NEGR1: variants seen among roughly 807,000 people sequenced by gnomAD.
NEGR1 encodes IgLON family member 4.
A neutral mutation model predicts 40.9 loss-of-function variants in NEGR1; 10 were observed. The observed-to-expected ratio is 0.24, with a 90% CI of 0.15 to 0.42. The LOEUF is 0.42. Among genes scored for constraint, NEGR1 ranks in the 10% least tolerant of loss-of-function variants. The probability of loss-of-function intolerance (pLI) is 1.00; values close to 1 mark genes in which losing one functional copy is unlikely to be tolerated. For synonymous variants in NEGR1, 185 were observed against 166.8 expected, an observed-to-expected ratio of 1.11 and a Z score of -0.84; for missense variants, 352 against 438.9, an observed-to-expected ratio of 0.80 and a Z score of 1.77.
intron 5 of NEGR1, among the ~76,000 whole-genome samples, chr1:71,605,451 G>T (rs1203264862): frequency 6.6e-6 from 1 of 152,102 alleles, no homozygotes; most frequent in Non-Finnish European, 1.5e-5. Flanking sequence ...AGACAAGACG[G>T]TAATACCATC....
chr1:72,099,822 T>C (rs1448556274), intron 1 of NEGR1, among the ~76,000 whole-genome samples: 1 of 151,912 alleles, frequency 6.6e-6, no homozygotes, highest in Non-Finnish European at 1.5e-5. Flanking sequence ...AAAGTACTTT[T>C]AGTTGATATA....
intron 1 of NEGR1, among the ~76,000 whole-genome samples, chr1:72,234,074 G>A (rs1019661591): frequency 1.3e-5 from 2 of 151,880 alleles, no homozygotes; most frequent in Non-Finnish European, 2.9e-5. Context: ...CAAAGTATTC[G>A]CTTACCCAGG....
chr1:71,626,431 A>G (rs1441586328), intron 4 of NEGR1, among the ~76,000 whole-genome samples: 1 of 135,612 alleles, frequency 7.4e-6, no homozygotes, highest in Non-Finnish European at 1.5e-5. Context: ...CTCATTGTTC[A>G]ATTCCCACCT....
At chr1:71,805,880 A>C (rs1210053011) in intron 2 of NEGR1, among the ~76,000 whole-genome samples, 6 of 152,208 alleles carry the variant, frequency 3.9e-5, no homozygotes, top group Non-Finnish European at 7.4e-5. Context: ...TTGCTTTTGC[A>C]AACTGCTTAA....
intron 3 of NEGR1, among the ~76,000 whole-genome samples, chr1:71,720,102 T>G (rs962687915): frequency 1.3e-5 from 2 of 152,156 alleles, no homozygotes; most frequent in African/African-American, 4.8e-5. Context: ...AAATGACAAC[T>G]ATATTGAAGA....
chr1:72,200,149 C>G (rs1653152220), intron 1 of NEGR1, among the ~76,000 whole-genome samples: 1 of 151,814 alleles, frequency 6.6e-6, no homozygotes. Context: ...TATAATTTGA[C>G]CTAGCAATCC....
intron 1 of NEGR1, among the ~76,000 whole-genome samples, chr1:72,048,538 A>G (rs914602798): frequency 4.0e-5 from 6 of 151,586 alleles, no homozygotes; most frequent in Admixed American, 6.6e-5. Context: ...TTTCCCCAAA[A>G]GGGAACCACT....
At chr1:71,834,319 C>G (rs1008563809) in intron 2 of NEGR1, among the ~76,000 whole-genome samples, 1 of 151,928 alleles carries the variant, frequency 6.6e-6, no homozygotes, top group Non-Finnish European at 1.5e-5. Context: ...AAAGATGTTT[C>G]CAGATGAGAA....
intron 6 of NEGR1, among the ~76,000 whole-genome samples, chr1:71,588,172 C>T (rs1649370727): frequency 6.6e-6 from 1 of 152,100 alleles, no homozygotes; most frequent in Admixed American, 6.6e-5. Context: ...TGGGACCACT[C>T]AGTTCATAGT....
chr1:71,536,205 T>C (rs1489086250), intron 6 of NEGR1, among the ~76,000 whole-genome samples: 4 of 151,776 alleles, frequency 2.6e-5, no homozygotes, highest in South Asian at 4.1e-4. Context: ...ATGGTGAATA[T>C]ATTGTGTTTT....
chr1:71,965,365 C>A (rs529789348), intron 1 of NEGR1, among the ~76,000 whole-genome samples: 1 of 152,164 alleles, frequency 6.6e-6, no homozygotes, highest in African/African-American at 2.4e-5. Flanking sequence ...CTGTTACTTG[C>A]AGCTGAATGT....
intron 1 of NEGR1, among the ~76,000 whole-genome samples, chr1:72,121,660 T>C (rs533339089): frequency 1.9e-4 from 29 of 152,072 alleles, no homozygotes; most frequent in African/African-American, 6.5e-4. Flanking sequence ...TCAGGATAGA[T>C]GTATAAAAAT....
intron 3 of NEGR1, among the ~76,000 whole-genome samples, chr1:71,716,083 TAC>T (rs1315885491): frequency 1.3e-5 from 2 of 152,102 alleles, no homozygotes; most frequent in Non-Finnish European, 2.9e-5. Context: ...TCAGGAAATT[TAC>T]AATCATGGTG....
At chr1:72,277,507 A>G (rs1656097878) in intron 1 of NEGR1, among the ~76,000 whole-genome samples, 1 of 148,792 alleles carries the variant, frequency 6.7e-6, no homozygotes, top group African/African-American at 2.6e-5. Flanking sequence ...ACATTCATCT[A>G]GAAAATTAAA....
chr1:71,812,415 T>C (rs1570380796), intron 2 of NEGR1, among the ~76,000 whole-genome samples: 1 of 152,180 alleles, frequency 6.6e-6, no homozygotes, highest in East Asian at 1.9e-4. Flanking sequence ...ATGTACCCAG[T>C]AATGGGATTG....
intron 1 of NEGR1, among the ~76,000 whole-genome samples, chr1:72,128,056 T>C (rs1650099861): frequency 6.6e-6 from 1 of 152,174 alleles, no homozygotes; most frequent in Non-Finnish European, 1.5e-5. Flanking sequence ...TTACACACTC[T>C]TAGCAAATTC....
intron 6 of NEGR1, among the ~76,000 whole-genome samples, chr1:71,443,038 G>C (rs1646558245): frequency 6.6e-6 from 1 of 152,202 alleles, no homozygotes; most frequent in Admixed American, 6.5e-5. Flanking sequence ...TTCTGCCTTT[G>C]AGTAATATTT....
At chr1:71,996,758 G>T (rs1646507828) in intron 1 of NEGR1, among the ~76,000 whole-genome samples, 1 of 151,980 alleles carries the variant, frequency 6.6e-6, no homozygotes, top group Admixed American at 6.6e-5. Flanking sequence ...TAAATAAAAT[G>T]ATCTTTGCTT....
chr1:72,045,799 G>A (rs1344122671), intron 1 of NEGR1, among the ~76,000 whole-genome samples: 1 of 150,472 alleles, frequency 6.6e-6, no homozygotes, highest in African/African-American at 2.4e-5. Context: ...GAAAGATCCT[G>A]AAGAGACTAC....
Sources: allele counts gnomAD v4.1 joint callset (sites outside exome capture counted in the v4.1 genomes callset), GRCh38; gene constraint gnomAD v4.1.1; transcripts MANE v1.5; gene names NCBI Gene and HGNC (gene_info 2026-07-23, HGNC 2026-07-21).